ROBO1: variants seen among roughly 807,000 people sequenced by gnomAD.
ROBO1 encodes roundabout homolog 1.
Under a neutral mutation model 195.9 loss-of-function variants are expected in ROBO1, and 149 were observed. The ratio of observed to expected loss-of-function variants is 0.76; its 90% CI spans 0.67 to 0.87. The LOEUF (loss-of-function observed/expected upper bound fraction) is 0.87. ROBO1 is among the 40% of genes least tolerant of loss of function. The probability of loss-of-function intolerance (pLI) is 0.00; values close to 1 mark genes in which losing one functional copy is unlikely to be tolerated. For missense variants in ROBO1, 1,933 were observed against 2,068.3 expected (o/e 0.93, Z 1.27); for synonymous variants, 816 against 733.2 (o/e 1.11, Z -1.82).
intron 2 of ROBO1, among the ~76,000 whole-genome samples, chr3:79,257,059 T>G (rs2108928632): frequency 6.6e-6 from 1 of 152,264 alleles, no homozygotes; most frequent in Admixed American, 6.5e-5. Context: ...GATTAAAAAT[T>G]TTAAGTCCCT....
Position 78,831,210 on chromosome 3 carries a change from C to T in ROBO1, c.500-84310G>A, listed in dbSNP as rs147367217. On this transcript the variant is annotated intron_variant, in intron 4 of 30. Coordinates refer to ENST00000464233, the MANE Select transcript of ROBO1 (RefSeq NM_002941.4). ...ACAGGGATGAGCCACCATGCCCGGC[C>T]GGTAACCCTGGGTTTTAAAGCCATA... Among the ~76,000 whole-genome samples, 70 of 152,146 alleles carry T rather than the reference C, an allele frequency of 4.6e-4. 1 individual carries two copies. The East Asian group carries it at 0.011, about 25-fold the overall frequency.
intron 2 of ROBO1, among the ~76,000 whole-genome samples, chr3:79,169,052 T>C (rs183474883): frequency 3.9e-5 from 6 of 152,168 alleles, no homozygotes; most frequent in African/African-American, 1.4e-4. Context: ...TTGAAGACCA[T>C]AAGATGGGAA....
At chr3:79,763,649 T>C (rs1004600919) in intron 1 of ROBO1, among the ~76,000 whole-genome samples, 2 of 152,108 alleles carry the variant, frequency 1.3e-5, no homozygotes, top group African/African-American at 4.8e-5. Context: ...ATGCACAAAT[T>C]TCAAAGAAAA....
At chr3:79,364,662 A>G (rs1035936302) in intron 2 of ROBO1, among the ~76,000 whole-genome samples, 2 of 152,144 alleles carry the variant, frequency 1.3e-5, no homozygotes, top group African/African-American at 4.8e-5. Context: ...TGCAGGGATT[A>G]ATCAATCCAG....
chr3:78,818,769 T>G (rs745533255), intron 4 of ROBO1, among the ~76,000 whole-genome samples: 8 of 152,220 alleles, frequency 5.3e-5, no homozygotes, highest in Non-Finnish European at 1.2e-4. Flanking sequence ...TGTTCAACTC[T>G]CTTTTTCACT....
chr3:79,596,068 T>A (rs1346167188), intron 1 of ROBO1, among the ~76,000 whole-genome samples: 1 of 152,046 alleles, frequency 6.6e-6, no homozygotes, highest in African/African-American at 2.4e-5. Context: ...TCTACCCAAA[T>A]AGGACTATAG....
chr3:79,303,721 A>G (rs2033088482), intron 2 of ROBO1, among the ~76,000 whole-genome samples: 1 of 152,180 alleles, frequency 6.6e-6, no homozygotes, highest in Non-Finnish European at 1.5e-5. Context: ...TAAACCTGGA[A>G]GAATGTTAGC....
chr3:79,706,698 C>A (rs911577738), intron 1 of ROBO1, among the ~76,000 whole-genome samples: 1 of 152,010 alleles, frequency 6.6e-6, no homozygotes, highest in Admixed American at 6.6e-5. Flanking sequence ...CTCTTTTTGC[C>A]TGTTGCCATC....
intron 1 of ROBO1, among the ~76,000 whole-genome samples, chr3:79,640,869 C>T (rs757649844): frequency 3.9e-5 from 6 of 152,064 alleles, no homozygotes; most frequent in Admixed American, 2.0e-4. Flanking sequence ...AGTTAAATCC[C>T]GGAGCTCACT....
At chr3:79,287,951 C>T (rs547009298) in intron 2 of ROBO1, among the ~76,000 whole-genome samples, 1 of 151,922 alleles carries the variant, frequency 6.6e-6, no homozygotes, top group Non-Finnish European at 1.5e-5. Context: ...TAAATGAGAA[C>T]ACCCTAACCA....
chr3:78,643,498 A>T (rs115508862), intron 21 of ROBO1, among the ~76,000 whole-genome samples: 2,757 of 152,232 alleles, frequency 0.018, 74 homozygotes, highest in African/African-American at 0.063. Flanking sequence ...GTCCAGACCT[A>T]TGTAATACAT....
chr3:79,588,167 T>C (rs1350308337), intron 2 of ROBO1, among the ~76,000 whole-genome samples: 3 of 151,810 alleles, frequency 2.0e-5, no homozygotes, highest in South Asian at 2.1e-4. Flanking sequence ...ATACTGTAGA[T>C]TTACAAGTAT....
At chr3:78,860,800 T>C (rs1339084778) in intron 4 of ROBO1, among the ~76,000 whole-genome samples, 2 of 152,094 alleles carry the variant, frequency 1.3e-5, no homozygotes, top group African/African-American at 4.8e-5. Flanking sequence ...AATGCTACCT[T>C]TTCCTAGAGA....
intron 1 of ROBO1, among the ~76,000 whole-genome samples, chr3:79,674,828 G>GTGTGTGTT (rs1491217830): frequency 2.7e-5 from 1 of 37,662 alleles, no homozygotes; most frequent in African/African-American, 2.2e-4. Flanking sequence ...ATTTATATCC[G>GTGTGTGTT]TGTGTGTGTG....
intron 19 of ROBO1, 137 bp from the exon 20 acceptor site, chr3:78,647,792 A>T: frequency 7.7e-6 from 6 of 784,170 alleles, no homozygotes; most frequent in Non-Finnish European, 1.3e-5. Context: ...TGACAATCTG[A>T]TCTATGAATA....
intron 2 of ROBO1, among the ~76,000 whole-genome samples, chr3:79,307,022 A>C (rs2033253523): frequency 2.6e-5 from 4 of 151,370 alleles, no homozygotes; most frequent in Admixed American, 2.6e-4. Flanking sequence ...CCTAAAGCAA[A>C]TGGAAGAGAA....
chr3:79,125,469 C>A lies in ROBO1; in HGVS notation c.159G>T (p.Ser53=). ...PIPTSDNDDN[S]LGYTGSRLRQ... is the part of the protein sequence containing the mutation. ...GAGACACTCTACCTGTATAGCCCAG[C>A]GAATTGTCATCGTTATCAGAGGTGG... Residue 53 remains serine, a synonymous_variant, in exon 3 of 31, where the codon TCG becomes TCT. Coordinates refer to ENST00000464233, the MANE Select transcript of ROBO1 (RefSeq NM_002941.4). 3 of 1,613,394 alleles carry A rather than the reference C, an allele frequency of 1.9e-6. No homozygotes were observed. Among genetic ancestry groups the A allele is most frequent in the African/African-American group, 1.3e-5 (1 of 74,982 alleles).
chr3:78,615,297 A>AG (rs1704046895), intron 27 of ROBO1, among the ~76,000 whole-genome samples: 1 of 152,210 alleles, frequency 6.6e-6, no homozygotes, highest in African/African-American at 2.4e-5. Context: ...AGACAGACTC[A>AG]GGTGTATTCT....
chr3:79,359,860 G>T (rs1250544492), intron 2 of ROBO1, among the ~76,000 whole-genome samples: 1 of 151,934 alleles, frequency 6.6e-6, no homozygotes, highest in Non-Finnish European at 1.5e-5. Flanking sequence ...AGGTCAAAAA[G>T]GCAGTAGGCG....
Sources: gnomAD v4.1 joint callset for allele counts (sites outside exome capture counted in the v4.1 genomes callset) on GRCh38, gnomAD v4.1.1 for gene constraint, MANE v1.5 for transcripts, NCBI Gene and HGNC (gene_info 2026-07-23, HGNC 2026-07-21) for gene names.